The following CEP41 variants were observed in gnomAD, a reference collection of about 807,000 sequenced individuals.
The protein encoded by CEP41 is centrosomal protein 41, also known as centrosomal protein of 41 kDa.
CEP41 carries 32 observed loss-of-function variants against 44.3 expected under a neutral mutation model. The ratio of observed to expected loss-of-function variants is 0.72; its 90% CI spans 0.54 to 0.97. The LOEUF (loss-of-function observed/expected upper bound fraction) is 0.97. Among genes scored for constraint, CEP41 ranks in the 50% least tolerant of loss-of-function variants. CEP41 has a pLI of 0.00. For synonymous variants in CEP41, 151 were observed against 168.5 expected (o/e 0.90, Z 0.80); for missense variants, 432 against 455.2 (o/e 0.95, Z 0.46).
intron 2 of CEP41, chr7:130,420,015 C>T (rs1008402106): frequency 3.0e-5 from 30 of 985,202 alleles, no homozygotes; most frequent in Middle Eastern, 5.2e-4. Flanking sequence ...GCATAGGAGA[C>T]ACTCAAAAAT....
chr7:130,408,447 C>T (rs1405559963), intron 5 of CEP41, among the ~76,000 whole-genome samples: 1 of 152,134 alleles, frequency 6.6e-6, no homozygotes, highest in Admixed American at 6.5e-5. Context: ...ACATAAACTC[C>T]TTAAAAGAAG....
At position 130,397,590 on chromosome 7, in the gene CEP41, G is replaced by A; in HGVS notation, c.*1301C>T. ...TCTTACCCCGTAGCAGTTACCAGCA[G>A]GACAGGCAATTTTCAGTGGGCTTTT... On this transcript the variant is annotated 3_prime_UTR_variant, in exon 11 of 11. Transcript: ENST00000223208. 1 of 443,978 alleles carries A rather than the reference G, an allele frequency of 2.3e-6. No individual in the cohort carries two copies. The highest frequency in any genetic ancestry group is 4.4e-6 in the Non-Finnish European group (1 of 225,694). The allele number at this position is 443,978 out of a possible 1,614,324, so 27.5% of individuals were successfully genotyped here.
At chr7:130,423,430 A>T (rs1399832631) in intron 2 of CEP41, among the ~76,000 whole-genome samples, 1 of 152,234 alleles carries the variant, frequency 6.6e-6, no homozygotes, top group African/African-American at 2.4e-5. Context: ...ATACCACTTC[A>T]TGCCCACAAA....
At chr7:130,403,748 GAGA>G (rs1796924020) in intron 6 of CEP41, among the ~76,000 whole-genome samples, 1 of 152,154 alleles carries the variant, frequency 6.6e-6, no homozygotes, top group Admixed American at 6.5e-5. Context: ...TGAACCAAAG[GAGA>G]AGAACATCTG....
intron 1 of CEP41, among the ~76,000 whole-genome samples, chr7:130,433,946 G>A (rs1270450440): frequency 6.6e-6 from 1 of 152,176 alleles, no homozygotes; most frequent in Non-Finnish European, 1.5e-5. Flanking sequence ...AGGGCTCTAG[G>A]GAGGAATGTC....
chr7:130,435,137 T>C (rs1797925364), intron 1 of CEP41, among the ~76,000 whole-genome samples: 1 of 152,128 alleles, frequency 6.6e-6, no homozygotes. Context: ...AAAATAAAAC[T>C]CTTATATTTC....
upstream of CEP41, chr7:130,441,180 G>A (rs1315043979): frequency 5.7e-6 from 4 of 698,084 alleles, no homozygotes; most frequent in Non-Finnish European, 1.0e-5. Flanking sequence ...GGGCAACGCG[G>A]GACGCCGGCT....
chr7:130,412,024 C>A (rs1055604623), intron 4 of CEP41, 155 bp downstream of exon 4: 7 of 697,360 alleles, frequency 1.0e-5, no homozygotes, highest in Non-Finnish European at 1.8e-5. Flanking sequence ...TGTGAACACA[C>A]ACACCACATA....
In CEP41 at chr7:130,394,208, T is replaced by G. The variant is rs986339569; in HGVS notation, c.*4683A>C. On this transcript the variant is annotated 3_prime_UTR_variant, in exon 11 of 11. Coordinates refer to ENST00000223208, the MANE Select transcript of CEP41 (RefSeq NM_018718.3). ...GAGCGGAGTGGCTGAAAGAACACCCTCTGGAGCCACAGTTCTCAGGCTGGC... is the reference window on the plus strand; with the variant it reads ...GAGCGGAGTGGCTGAAAGAACACCCGCTGGAGCCACAGTTCTCAGGCTGGC... 1 of 453,862 alleles carries G rather than the reference T, an allele frequency of 2.2e-6. No individual in the cohort carries two copies. Among genetic ancestry groups the G allele is most frequent in the African/African-American group, 2.0e-5 (1 of 49,962 alleles). The allele number at this position is 453,862 out of a possible 1,614,324, so 28.1% of individuals were successfully genotyped here.
chr7:130,439,647 A>T (rs1254825913), intron 1 of CEP41, among the ~76,000 whole-genome samples: 1 of 152,110 alleles, frequency 6.6e-6, no homozygotes, highest in African/African-American at 2.4e-5. Flanking sequence ...TTACCAATTG[A>T]CCATGGCTCT....
intron 10 of CEP41, 140 bp from the exon 11 acceptor site, chr7:130,399,179 C>T (rs1554416225): frequency 5.2e-6 from 5 of 967,172 alleles, no homozygotes; most frequent in Non-Finnish European, 8.0e-6. Context: ...CTACTTTAGG[C>T]CAACGATGGC....
intron 2 of CEP41, chr7:130,420,997 CT>C: frequency 6.1e-6 from 6 of 980,108 alleles, no homozygotes; most frequent in Non-Finnish European, 7.3e-6. Flanking sequence ...TGCTTCACGA[CT>C]TAAGCAACCT....
upstream of CEP41, chr7:130,441,361 AC>A (rs1482408851): frequency 7.9e-6 from 3 of 379,920 alleles, no homozygotes; most frequent in African/African-American, 6.3e-5. Context: ...CATAAATACA[AC>A]ACAAGACTCC....
At chr7:130,412,586 A>T (rs914436883) in intron 3 of CEP41, among the ~76,000 whole-genome samples, 1 of 152,174 alleles carries the variant, frequency 6.6e-6, no homozygotes, top group Non-Finnish European at 1.5e-5. Flanking sequence ...GCCGCCTCAA[A>T]TCCTTTTCAG....
chr7:130,417,404 C>T (rs1032279122), intron 2 of CEP41: 5 of 1,007,930 alleles, frequency 5.0e-6, no homozygotes, highest in Non-Finnish European at 6.0e-6. Flanking sequence ...CCAAGCAACT[C>T]TCTCCTCTCG....
intron 1 of CEP41, among the ~76,000 whole-genome samples, chr7:130,429,063 T>C (rs1797751412): frequency 6.6e-6 from 1 of 152,226 alleles, no homozygotes; most frequent in South Asian, 2.1e-4. Flanking sequence ...CCAAAGGCAG[T>C]TGTCCTGACC....
chr7:130,427,904 A>G (rs782591725), intron 2 of CEP41, 51 bp downstream of exon 2: 3 of 1,263,304 alleles, frequency 2.4e-6, no homozygotes, highest in African/African-American at 2.9e-5. Flanking sequence ...CTTTCTGTCA[A>G]TAATTAGCTA....
At chr7:130,431,116 A>G (rs1797809797) in intron 1 of CEP41, among the ~76,000 whole-genome samples, 1 of 147,550 alleles carries the variant, frequency 6.8e-6, no homozygotes, top group African/African-American at 2.5e-5. Context: ...TCTAGTACCA[A>G]CCGCAATGTA....
intron 2 of CEP41, chr7:130,421,793 T>C: frequency 7.9e-7 from 1 of 1,272,804 alleles, no homozygotes. Flanking sequence ...TGAAAGACTG[T>C]GGGGACTAAT....
Sources: allele counts gnomAD v4.1 joint callset (sites outside exome capture counted in the v4.1 genomes callset), GRCh38; gene constraint gnomAD v4.1.1; transcripts MANE v1.5; gene names NCBI Gene and HGNC (gene_info 2026-07-23, HGNC 2026-07-21).